LIFR: variants seen among roughly 807,000 people sequenced by gnomAD.
LIFR encodes leukemia inhibitory factor receptor.
Under a neutral mutation model 122.2 loss-of-function variants are expected in LIFR, and 84 were observed. The observed-to-expected ratio is 0.69, with a 90% CI of 0.58 to 0.82. The LOEUF (loss-of-function observed/expected upper bound fraction) is 0.82, where lower values mean the gene tolerates loss of function less well. Ranked by LOEUF, LIFR falls within the 40% of genes least tolerant of loss-of-function variation. The pLI is 0.00. For synonymous variants in LIFR, 422 were observed against 434.7 expected (o/e 0.97, Z 0.36); for missense variants, 1,294 against 1,311.6 (o/e 0.99, Z 0.21).
At chr5:38,582,488 G>C (rs1395850536) in intron 1 of LIFR, among the ~76,000 whole-genome samples, 9 of 152,010 alleles carry the variant, frequency 5.9e-5, no homozygotes, top group Non-Finnish European at 1.2e-4. Flanking sequence ...AAATACCTTA[G>C]AGATATGCTA....
intron 1 of LIFR, among the ~76,000 whole-genome samples, chr5:38,592,713 AT>A (rs1217591996): frequency 6.6e-6 from 1 of 150,916 alleles, no homozygotes; most frequent in East Asian, 1.9e-4. Context: ...CATTTTTTCT[AT>A]TTTTTTAGAA....
At chr5:38,515,296 C>A (rs1017952753) in intron 5 of LIFR, among the ~76,000 whole-genome samples, 4 of 151,856 alleles carry the variant, frequency 2.6e-5, no homozygotes, top group African/African-American at 9.7e-5. Context: ...TCTATGTGAG[C>A]CTTCTGTGAA....
chr5:38,605,953 G>T (rs111366738), intron 2 of LIFR, among the ~76,000 whole-genome samples: 3 of 152,142 alleles, frequency 2.0e-5, no homozygotes, highest in Admixed American at 2.0e-4. Context: ...CCACCTCGTC[G>T]TCAGGACCTC....
intron 1 of LIFR, among the ~76,000 whole-genome samples, chr5:38,548,991 C>A (rs1298324190): frequency 1.3e-5 from 2 of 152,032 alleles, no homozygotes; most frequent in African/African-American, 4.8e-5. Flanking sequence ...TACATGTGGG[C>A]ACCGTGAGCT....
Position 38,528,845 on chromosome 5 carries a change from A to AGGAG in LIFR, c.143-9_143-6dup. 7.3e-7 allele frequency: 1 copy of AGGAG among 1,362,570 alleles called. No homozygotes were observed. 84.4% of individuals were successfully genotyped at this position (1,362,570 alleles called of 1,614,324 possible). On this transcript the variant is annotated splice_region_variant and splice_polypyrimidine_tract_variant and intron_variant, in intron 2 of 19. Transcript: ENST00000453190. Reference sequence around the variant, plus strand: ...ACTTCAAATCATGAGGAGCCCCTGGAGGAGACACACACACACACACACACA... The same window carrying AGGAG: ...ACTTCAAATCATGAGGAGCCCCTGGAGGAGGGAGACACACACACACACACACACA...
chr5:38,528,269 G>A (rs964697527), intron 3 of LIFR, among the ~76,000 whole-genome samples: 2 of 152,126 alleles, frequency 1.3e-5, no homozygotes, highest in African/African-American at 4.8e-5. Flanking sequence ...AAAAACCACA[G>A]CCTTGCTACT....
At chr5:38,508,983 G>A (rs1452925563) in intron 7 of LIFR, among the ~76,000 whole-genome samples, 2 of 152,074 alleles carry the variant, frequency 1.3e-5, no homozygotes, top group Non-Finnish European at 2.9e-5. Context: ...GAAATAACCT[G>A]CTCTTATAAA....
intron 1 of LIFR, among the ~76,000 whole-genome samples, chr5:38,574,376 A>T (rs1749315828): frequency 6.6e-6 from 1 of 152,096 alleles, no homozygotes; most frequent in Non-Finnish European, 1.5e-5. Flanking sequence ...GACCCCCCGG[A>T]CTGGTTAGAT....
chr5:38,556,204 G>T (rs1748527798), intron 1 of LIFR, 130 bp downstream of exon 1: 2 of 152,092 alleles, frequency 1.3e-5, no homozygotes, highest in East Asian at 2.0e-4. Flanking sequence ...GCTCTCCGGG[G>T]TCACTCCCCT....
At position 38,481,428 on chromosome 5, in the gene LIFR, G is replaced by C. The variant is rs1456905506; in HGVS notation, c.*167C>G. Reference sequence around the variant, plus strand: ...CTGAGTCACTATACTTTGGCTTTTAGACTACATTAAAAGCACATGAACACT... The same window carrying C: ...CTGAGTCACTATACTTTGGCTTTTACACTACATTAAAAGCACATGAACACT... On this transcript the variant is annotated 3_prime_UTR_variant, in exon 20 of 20. Transcript: ENST00000453190. The C allele has an allele frequency of 2.6e-6, 2 of 765,310 alleles. No individual in the cohort carries two copies. The highest frequency in any genetic ancestry group is 1.7e-5 in the African/African-American group (1 of 57,574). 47.4% of individuals were successfully genotyped at this position (765,310 alleles called of 1,614,324 possible).
chr5:38,570,600 A>G (rs1483101995), intron 1 of LIFR, among the ~76,000 whole-genome samples: 1 of 152,240 alleles, frequency 6.6e-6, no homozygotes, highest in African/African-American at 2.4e-5. Flanking sequence ...CATCATATTT[A>G]TAAGTGAATA....
At chr5:38,543,093 T>G (rs1747680745) in intron 1 of LIFR, among the ~76,000 whole-genome samples, 1 of 151,930 alleles carries the variant, frequency 6.6e-6, no homozygotes, top group Non-Finnish European at 1.5e-5. Context: ...AATATGCAAC[T>G]CACATACTAA....
intron 1 of LIFR, chr5:38,579,004 G>T (rs918548663): frequency 6.6e-6 from 1 of 152,184 alleles, no homozygotes; most frequent in Non-Finnish European, 1.5e-5. Flanking sequence ...AAGTGGTAAA[G>T]GTTCAGATAA....
intron 5 of LIFR, among the ~76,000 whole-genome samples, chr5:38,517,864 A>AAAAAAAAAAAAAAAAAAG (rs1746177945): frequency 7.5e-6 from 1 of 133,204 alleles, no homozygotes; most frequent in Non-Finnish European, 1.7e-5. Flanking sequence ...CTCAAAAAAA[A>AAAAAAAAAAAAAAAAAAG]AAAAAAAAAA....
chr5:38,568,833 C>T (rs557186190), intron 1 of LIFR, among the ~76,000 whole-genome samples: 1 of 152,310 alleles, frequency 6.6e-6, no homozygotes, highest in South Asian at 2.1e-4. Context: ...ATTGGGAGTG[C>T]TCTTGAGACA....
chr5:38,530,998 G>C (rs1746978966), intron 1 of LIFR: 1 of 213,016 alleles, frequency 4.7e-6, no homozygotes. Flanking sequence ...AGCAGTGCAT[G>C]AGACTGAATT....
chr5:38,485,020 CTT>C lies in LIFR; in HGVS notation c.2498-154_2498-153del, dbSNP rs561176685. ...ACACTGAAAAACTATTAAAATCAAACTTTCAGGTATTGTGATAATTTTTATAC... is the reference window on the plus strand; with the variant it reads ...ACACTGAAAAACTATTAAAATCAAACTCAGGTATTGTGATAATTTTTATAC... On this transcript the variant is annotated intron_variant, in intron 17 of 19. Coordinates refer to ENST00000453190, the MANE Select transcript of LIFR (RefSeq NM_001127671.2). The C allele has an allele frequency of 1.2e-3, 765 of 643,030 alleles. 1 individual carries two copies. The highest frequency in any genetic ancestry group is 1.8e-3 in the Non-Finnish European group (624 of 349,818). The allele number at this position is 643,030 out of a possible 1,614,324, so 39.8% of individuals were successfully genotyped here. A position where few individuals can be genotyped will look rare whatever the true frequency, so the allele number is the denominator to read the frequency against.
At position 38,485,899 on chromosome 5, in the gene LIFR, C is replaced by G. The variant is rs746691428; in HGVS notation, c.2417G>C (p.Ser806Thr). The change falls in exon 17 of 20, where the codon AGT becomes ACT. Residue 806 changes from serine (S) to threonine (T), a missense_variant. Ser to Thr is a moderately conservative substitution (Grantham distance 58, BLOSUM62 1). Transcript: ENST00000453190. ...ATAGGCTCGCAAGACCAGGTGGTAA[C>G]TTGTTTTACCTTGAAGATCAGCAAT... is the stretch of plus-strand genomic sequence containing the variant. ...LRIADLQGKT[S>T]YHLVLRAYTD... 6.2e-7 allele frequency: 1 copy of G among 1,614,094 alleles called. No homozygotes were observed.
At position 38,523,458 on chromosome 5, in the gene LIFR, A is replaced by G. The variant is rs1746508377; in HGVS notation, c.522T>C (p.Ile174=). ...CCATACTCTCTTTACGTAGAACTTT[A>G]ATTTCCCAGATAACATTTGAGCGGT... is the stretch of plus-strand genomic sequence containing the variant. ...FPHRSNVIWE[I]KVLRKESMEL... The change falls in exon 5 of 20, where the codon ATT becomes ATC. Residue 174 remains isoleucine (I), a synonymous_variant. Transcript: ENST00000453190. The G allele has an allele frequency of 1.9e-6, 3 of 1,613,216 alleles. No homozygotes were observed. Among genetic ancestry groups the G allele is most frequent in the African/African-American group, 1.3e-5 (1 of 74,986 alleles).
Sources: allele counts gnomAD v4.1 joint callset (sites outside exome capture counted in the v4.1 genomes callset), GRCh38; gene constraint gnomAD v4.1.1; transcripts MANE v1.5; gene names NCBI Gene and HGNC (gene_info 2026-07-23, HGNC 2026-07-21).